The following MSR1 variants were observed in gnomAD, a reference collection of about 807,000 sequenced individuals.
The protein encoded by MSR1 is macrophage scavenger receptor 1.
MSR1 carries 53 observed loss-of-function variants against 47.2 expected under a neutral mutation model. The ratio of observed to expected loss-of-function variants is 1.12; its 90% CI spans 0.90 to 1.41. MSR1 has a LOEUF of 1.41. Among genes scored for constraint, MSR1 ranks in the 40% most tolerant of loss-of-function variants. The pLI, the probability that MSR1 is intolerant of heterozygous loss-of-function variation, is 0.00. For missense variants in MSR1, 786 were observed against 546.9 expected, an observed-to-expected ratio of 1.44 and a Z score of -4.36; for synonymous variants, 239 against 185.6, an observed-to-expected ratio of 1.29 and a Z score of -2.34.
intron 8 of MSR1, among the ~76,000 whole-genome samples, chr8:16,137,875 C>A (rs1416627456): frequency 6.6e-6 from 1 of 151,724 alleles, no homozygotes; most frequent in Non-Finnish European, 1.5e-5. Context: ...GCCTAAAGTC[C>A]TAGCTACTCA....
Position 16,163,248 on chromosome 8 carries a change from G to A in MSR1, c.817+817C>T, listed in dbSNP as rs573516931. Among the ~76,000 whole-genome samples the A allele has an allele frequency of 2.0e-5, 3 of 151,960 alleles. No homozygotes were observed. In the South Asian group the frequency reaches 6.2e-4, roughly 32 times the overall value. ...ACATAAAATAAACTGGAAAAAACCA[G>A]AGCACATGATAAGATAGTGGAAATA... On this transcript the variant is annotated intron_variant, in intron 5 of 9. Coordinates refer to ENST00000262101, the MANE Select transcript of MSR1 (RefSeq NM_138715.3).
intron 3 of MSR1, among the ~76,000 whole-genome samples, chr8:16,172,546 C>G (rs1415165879): frequency 6.6e-6 from 1 of 152,096 alleles, no homozygotes; most frequent in African/African-American, 2.4e-5. Context: ...ATGGTCTGTG[C>G]AACAACCTAC....
In MSR1 at chr8:16,150,128, A is replaced by ATGTG. The variant is rs142754636; in HGVS notation, c.979+99_979+102dup. ...CATATATAACATTATGTGTGTGTGT[A>ATGTG]TGTGTGTGTGTGTATATATATATAT... On this transcript the variant is annotated intron_variant, in intron 7 of 9. Coordinates refer to ENST00000262101, the MANE Select transcript of MSR1 (RefSeq NM_138715.3). 446 of 195,286 alleles carry ATGTG rather than the reference A, an allele frequency of 2.3e-3. 7 individuals carry two copies. The highest frequency in any genetic ancestry group is 0.014 in the African/African-American group (411 of 29,164). 12.1% of individuals were successfully genotyped at this position (195,286 alleles called of 1,614,324 possible).
intron 9 of MSR1, among the ~76,000 whole-genome samples, 178 bp downstream of exon 9, chr8:16,120,240 G>A (rs904522569): frequency 3.3e-5 from 5 of 151,742 alleles, no homozygotes. Flanking sequence ...AGCCGGGTGT[G>A]GTGGCGCGCG....
intron 1 of MSR1, among the ~76,000 whole-genome samples, chr8:16,183,766 G>T (rs1801910836): frequency 7.1e-6 from 1 of 141,332 alleles, no homozygotes; most frequent in Non-Finnish European, 1.5e-5. Context: ...ATAATTATAT[G>T]TAATTTATAT....
intron 9 of MSR1, among the ~76,000 whole-genome samples, chr8:16,115,877 ACT>A (rs1263841098): frequency 6.6e-6 from 1 of 151,864 alleles, no homozygotes; most frequent in Non-Finnish European, 1.5e-5. Flanking sequence ...GTCCCGAGAA[ACT>A]CTGCAGGCTA....
chr8:16,164,055 G>A lies in MSR1; in HGVS notation c.817+10C>T, dbSNP rs997523196. On this transcript the variant is annotated intron_variant, in intron 5 of 9. Coordinates refer to ENST00000262101, the MANE Select transcript of MSR1 (RefSeq NM_138715.3). ...ATATCATTTTCTGGAGAAATGACAA[G>A]ACATTTTACCTTGAATTAAAGTGAT... is the stretch of plus-strand genomic sequence containing the variant. The A allele has an allele frequency of 3.8e-6, 6 of 1,596,386 alleles. No homozygotes were observed. The Admixed American group carries it at 1.0e-4, about 27-fold the overall frequency.
At chr8:16,178,115 T>A (rs34418227) in intron 1 of MSR1, 123 bp from the exon 2 acceptor site, 16 of 717,328 alleles carry the variant, frequency 2.2e-5, no homozygotes, top group African/African-American at 5.4e-5. Flanking sequence ...TTTTTTTTTT[T>A]AATTATACTT....
chr8:16,120,055 G>A (rs1322298750), intron 9 of MSR1, among the ~76,000 whole-genome samples: 1 of 151,774 alleles, frequency 6.6e-6, no homozygotes, highest in African/African-American at 2.4e-5. Flanking sequence ...TCTGTCTTTA[G>A]AGAATGCCTA....
At chr8:16,119,892 A>G (rs1325451768) in intron 9 of MSR1, among the ~76,000 whole-genome samples, 1 of 85,670 alleles carries the variant, frequency 1.2e-5, no homozygotes, top group Non-Finnish European at 2.2e-5. Flanking sequence ...TTTTTTTTTT[A>G]ATTGGTAGAG....
chr8:16,181,829 A>G (rs911358058), intron 1 of MSR1, among the ~76,000 whole-genome samples: 1 of 152,108 alleles, frequency 6.6e-6, no homozygotes, highest in African/African-American at 2.4e-5. Flanking sequence ...CGAAAACCCT[A>G]TAGTTTAAGG....
Position 16,175,198 on chromosome 8 carries a change from C to T in MSR1, c.206G>A (p.Gly69Glu), listed in dbSNP as rs184089102. The T allele has an allele frequency of 1.7e-5, 27 of 1,613,744 alleles. No homozygotes were observed. The highest frequency in any genetic ancestry group is 1.7e-4 in the Middle Eastern group (1 of 6,060). ...LVFAVLIPLI[G>E]IVAAQLLKWE... The stretch of plus-strand genomic sequence containing the variant: ...CTGGGTTACGTTACCTGCCACTATT[C>T]CAATGAGAGGGATGAGAACTGCAAA... Residue 69 changes from glycine to glutamate, a missense_variant, in exon 3 of 10, where the codon GGA becomes GAA. Gly to Glu is a moderately conservative substitution (Grantham distance 98). Transcript: ENST00000262101.
chr8:16,137,162 G>C (rs980654583), intron 8 of MSR1, among the ~76,000 whole-genome samples: 1 of 152,070 alleles, frequency 6.6e-6, no homozygotes, highest in African/African-American at 2.4e-5. Flanking sequence ...CTCTTCCCCA[G>C]GTGCACATAA....
chr8:16,169,607 T>A (rs1025611600), intron 3 of MSR1, among the ~76,000 whole-genome samples: 4 of 152,170 alleles, frequency 2.6e-5, no homozygotes, highest in African/African-American at 9.6e-5. Context: ...GCTTAAACTC[T>A]AGGATTTTGG....
intron 1 of MSR1, among the ~76,000 whole-genome samples, chr8:16,189,012 A>C (rs905734396): frequency 6.8e-6 from 1 of 146,656 alleles, no homozygotes; most frequent in African/African-American, 2.5e-5. Flanking sequence ...CAACATATAT[A>C]TATGTGTTGA....
intron 8 of MSR1, among the ~76,000 whole-genome samples, chr8:16,133,516 T>G (rs2117089604): frequency 6.6e-6 from 1 of 152,220 alleles, no homozygotes. Context: ...CTGTTAAAAC[T>G]TTGGATAACT....
At chr8:16,140,520 T>C (rs1384316414) in intron 8 of MSR1, 2 of 994,838 alleles carry the variant, frequency 2.0e-6, no homozygotes, top group East Asian at 2.2e-4. Flanking sequence ...AAACCACATA[T>C]TGGTAATTGA....
At chr8:16,138,955 T>G (rs1240475004) in intron 8 of MSR1, among the ~76,000 whole-genome samples, 1 of 152,202 alleles carries the variant, frequency 6.6e-6, no homozygotes. Context: ...CTTGGGCCCA[T>G]GCTTTGTTCT....
chr8:16,120,833 T>G, intron 8 of MSR1: 1 of 572,416 alleles, frequency 1.7e-6, no homozygotes, highest in South Asian at 2.1e-5. Context: ...AAATCCAATC[T>G]GTCTTACATG....
Sources: allele counts gnomAD v4.1 joint callset (sites outside exome capture counted in the v4.1 genomes callset), GRCh38; gene constraint gnomAD v4.1.1; transcripts MANE v1.5; gene names NCBI Gene and HGNC (gene_info 2026-07-23, HGNC 2026-07-21).